The following GLI2 variants were observed in gnomAD, a reference collection of about 807,000 sequenced individuals.
The protein encoded by GLI2 is transcription activator GLI2.
A neutral mutation model predicts 78.9 loss-of-function variants in GLI2; 22 were observed. The ratio of observed to expected loss-of-function variants is 0.28; its 90% CI spans 0.20 to 0.40. GLI2 has a LOEUF of 0.40. GLI2 is among the 10% of genes least tolerant of loss of function. The pLI is 1.00. For missense variants in GLI2, 2,097 were observed against 2,213.2 expected (o/e 0.95, Z 1.05); for synonymous variants, 974 against 963.7 (o/e 1.01, Z -0.20).
At position 120,974,911 on chromosome 2, in the gene GLI2, G is replaced by A. The variant is rs749787468; in HGVS notation, c.1183-64G>A. 12 of 1,613,758 alleles carry A rather than the reference G, an allele frequency of 7.4e-6. No homozygotes were observed. The highest frequency in any genetic ancestry group is 5.0e-5 in the Admixed American group (3 of 60,010). On this transcript the variant is annotated intron_variant, in intron 8 of 13. Transcript: ENST00000361492. ...GCACAGAATGCATGGGACTAACAGC[G>A]ACCTCTTTTCAGGGCCAGGTGTCTG...
intron 1 of GLI2, among the ~76,000 whole-genome samples, chr2:120,786,436 C>T (rs979189296): frequency 3.3e-5 from 5 of 152,306 alleles, no homozygotes; most frequent in Admixed American, 6.5e-5. Flanking sequence ...GCACCATTCC[C>T]CTGACCCCAA....
intron 1 of GLI2, among the ~76,000 whole-genome samples, chr2:120,795,362 A>G (rs2104692254): frequency 6.6e-6 from 1 of 152,088 alleles, no homozygotes; most frequent in Middle Eastern, 3.4e-3. Context: ...TCTCTACTAA[A>G]AAATACAAAA....
At chr2:120,811,899 GC>G (rs1232474059) in intron 2 of GLI2, among the ~76,000 whole-genome samples, 2 of 151,950 alleles carry the variant, frequency 1.3e-5, no homozygotes, top group South Asian at 2.1e-4. Flanking sequence ...GTTTACTGGG[GC>G]CCTACTATGC....
At chr2:120,954,190 G>A (rs1044805027) in intron 4 of GLI2, among the ~76,000 whole-genome samples, 1 of 152,182 alleles carries the variant, frequency 6.6e-6, no homozygotes, top group African/African-American at 2.4e-5. Context: ...CCCAGAGCCT[G>A]CCATGTGAGG....
At chr2:120,743,017 A>G (rs906356072) in intron 1 of GLI2, among the ~76,000 whole-genome samples, 2 of 152,226 alleles carry the variant, frequency 1.3e-5, no homozygotes, top group African/African-American at 4.8e-5. Context: ...ACCAGAAAAT[A>G]GCTCTTAATT....
chr2:120,870,136 C>T (rs1688353683), intron 2 of GLI2, among the ~76,000 whole-genome samples: 1 of 152,198 alleles, frequency 6.6e-6, no homozygotes, highest in African/African-American at 2.4e-5. Flanking sequence ...CACCCCCTTG[C>T]CCCTTCGTCC....
chr2:120,833,174 C>T (rs1355900845), intron 2 of GLI2, among the ~76,000 whole-genome samples: 1 of 152,020 alleles, frequency 6.6e-6, no homozygotes, highest in African/African-American at 2.4e-5. Flanking sequence ...CCTGTCCTAG[C>T]TCCTTTTCTT....
rs761090665 is a variant in GLI2, at chr2:120,988,451, C to G, written c.2486C>G (p.Pro829Arg). 5 of 1,569,302 alleles carry G rather than the reference C, an allele frequency of 3.2e-6. No homozygotes were observed. Among genetic ancestry groups the G allele is most frequent in the Non-Finnish European group, 4.3e-6 (5 of 1,167,478 alleles). Residue 829 changes from proline (P) to arginine (R), a missense_variant, in exon 14 of 14, where the codon CCG becomes CGG. Transcript: ENST00000361492. ...SEASPLGAGRPHNASSADSYD... is the reference protein window; with the variant it reads ...SEASPLGAGRRHNASSADSYD... ...GCCTCGCCCCTGGGCGCCGGCCGCC[C>G]GCACAACGCGAGCTCCGCTGACTCC...
rs138803676 is a variant in GLI2 at position 120,797,546 on chromosome 2, C to T, written c.148+78C>T. 6.5e-4 allele frequency: 908 copies of T among 1,394,686 alleles called. 5 individuals carry two copies. The East Asian group carries it at 0.019, about 30-fold the overall frequency. 86.4% of individuals were successfully genotyped at this position (1,394,686 alleles called of 1,614,324 possible). On this transcript the variant is annotated intron_variant, in intron 2 of 13. Coordinates refer to ENST00000361492, the MANE Select transcript of GLI2 (RefSeq NM_001374353.1). ...CGTTAGGATTTAATTAGAGTGGTGG[C>T]CCATGTCGTCAGGGAGGCATGCTGG...
intron 3 of GLI2, among the ~76,000 whole-genome samples, chr2:120,934,030 G>A (rs905747490): frequency 1.3e-5 from 2 of 152,192 alleles, no homozygotes; most frequent in African/African-American, 4.8e-5. Flanking sequence ...TCAGGCCCTG[G>A]CCCCAGGAGT....
intron 2 of GLI2, among the ~76,000 whole-genome samples, chr2:120,924,542 T>TACACACACAC (rs56852363): frequency 0.027 from 3,983 of 149,626 alleles, 52 homozygotes; most frequent in Middle Eastern, 0.045. Context: ...CATTTAGAAA[T>TACACACACAC]ACACACACAC....
rs555772960 is a variant in GLI2, at chr2:120,946,953, C to G, written c.255-4290C>G. Among the ~76,000 whole-genome samples, 9 of 152,346 alleles carry G rather than the reference C, an allele frequency of 5.9e-5. No individual in the cohort carries two copies. In the East Asian group the frequency reaches 1.7e-3, roughly 29 times the overall value. ...GTTTAGTCTGTCAAAATGACCATCT[C>G]TGGGAACATGTGTGCCCCTGGATCC... On this transcript the variant is annotated intron_variant, in intron 3 of 13. Transcript: ENST00000361492.
chr2:120,900,988 T>C (rs1678224169), intron 2 of GLI2, among the ~76,000 whole-genome samples: 1 of 152,210 alleles, frequency 6.6e-6, no homozygotes, highest in African/African-American at 2.4e-5. Context: ...AAATCTTCAC[T>C]TTGGGGTTTG....
At chr2:120,815,553 G>A (rs1215843635) in intron 2 of GLI2, among the ~76,000 whole-genome samples, 1 of 152,218 alleles carries the variant, frequency 6.6e-6, no homozygotes, top group African/African-American at 2.4e-5. Context: ...GATTGAGCCT[G>A]AGCTCTGTGG....
At chr2:120,768,870 A>G (rs1683446366) in intron 1 of GLI2, among the ~76,000 whole-genome samples, 1 of 151,866 alleles carries the variant, frequency 6.6e-6, no homozygotes, top group Non-Finnish European at 1.5e-5. Flanking sequence ...CACCAGAAGT[A>G]GGCAAGTTCT....
intron 2 of GLI2, among the ~76,000 whole-genome samples, chr2:120,869,284 T>C (rs1161998008): frequency 6.6e-6 from 1 of 152,206 alleles, no homozygotes; most frequent in Non-Finnish European, 1.5e-5. Flanking sequence ...GGGGCAACAG[T>C]GCCTTTGCAT....
chr2:120,926,378 T>C (rs961019267), intron 2 of GLI2, among the ~76,000 whole-genome samples: 9 of 152,174 alleles, frequency 5.9e-5, no homozygotes, highest in African/African-American at 2.2e-4. Flanking sequence ...AAAATTTGTC[T>C]GCATTTCTTA....
chr2:120,972,103 A>C, intron 8 of GLI2, 40 bp downstream of exon 8: 1 of 1,611,082 alleles, frequency 6.2e-7, no homozygotes, highest in Non-Finnish European at 8.5e-7. Flanking sequence ...TCCAGCTAGG[A>C]CCAGGCTTGT....
intron 3 of GLI2, among the ~76,000 whole-genome samples, chr2:120,941,907 G>C (rs541817076): frequency 7.2e-5 from 11 of 152,288 alleles, no homozygotes; most frequent in Admixed American, 2.0e-4. Flanking sequence ...CAGGCGGCAG[G>C]GGGGAAAGCC....
Sources: allele counts gnomAD v4.1 joint callset (sites outside exome capture counted in the v4.1 genomes callset), GRCh38; gene constraint gnomAD v4.1.1; transcripts MANE v1.5; gene names NCBI Gene and HGNC (gene_info 2026-07-23, HGNC 2026-07-21).